Variants in PRIM2 observed in about 807,000 individuals in gnomAD.
The protein encoded by PRIM2 is DNA primase large subunit.
Under a neutral mutation model 67.3 loss-of-function variants are expected in PRIM2, and 39 were observed. The observed-to-expected ratio is 0.58, with a 90% CI of 0.45 to 0.76. PRIM2 has a LOEUF of 0.76. PRIM2 is among the 30% of genes least tolerant of loss of function. The pLI, the probability that PRIM2 is intolerant of heterozygous loss-of-function variation, is 0.00. For missense variants in PRIM2, 398 were observed against 598.7 expected (o/e 0.66, Z 3.50); for synonymous variants, 143 against 198.7 (o/e 0.72, Z 2.36).
chr6:57,447,692 A>G (rs889774317), intron 7 of PRIM2, among the ~76,000 whole-genome samples: 3 of 152,198 alleles, frequency 2.0e-5, no homozygotes, highest in African/African-American at 4.8e-5. Flanking sequence ...TACTGGGAAT[A>G]TGGTATTTGT....
At chr6:57,285,796 A>G in the PRIM2 span, among the ~76,000 whole-genome samples, 1 of 152,182 alleles carries the variant, frequency 6.6e-6, no homozygotes, top group Non-Finnish European at 1.5e-5. Flanking sequence ...AGGTATTCAA[A>G]TAGGAAGAGG....
At chr6:57,599,086 A>G (rs1776417808) in intron 10 of PRIM2, among the ~76,000 whole-genome samples, 1 of 63,390 alleles carries the variant, frequency 1.6e-5, no homozygotes, top group Non-Finnish European at 3.0e-5. Flanking sequence ...AGCTGGGACT[A>G]CAGGCACCCG....
chr6:57,340,226 G>A (rs1768422850), intron 5 of PRIM2, among the ~76,000 whole-genome samples: 1 of 152,182 alleles, frequency 6.6e-6, no homozygotes. Context: ...GAGAGGATGT[G>A]GAGAAATAGG....
At chr6:57,399,495 A>G (rs1481046759) in intron 7 of PRIM2, among the ~76,000 whole-genome samples, 2 of 152,204 alleles carry the variant, frequency 1.3e-5, no homozygotes, top group African/African-American at 4.8e-5. Flanking sequence ...GTGCCGCAGT[A>G]AACACACGTG....
chr6:57,369,908 C>T (rs908062576), intron 5 of PRIM2, among the ~76,000 whole-genome samples: 1 of 152,188 alleles, frequency 6.6e-6, no homozygotes, highest in African/African-American at 2.4e-5. Flanking sequence ...ATGTAAATTA[C>T]AGGTAGTAAC....
chr6:57,455,581 C>CACA (rs1772740038), intron 7 of PRIM2, among the ~76,000 whole-genome samples: 1 of 152,142 alleles, frequency 6.6e-6, no homozygotes, highest in Non-Finnish European at 1.5e-5. Flanking sequence ...GGTTTAAAGT[C>CACA]TGTTTTATCA....
chr6:57,225,824 A>G, the PRIM2 span, among the ~76,000 whole-genome samples: 1 of 152,244 alleles, frequency 6.6e-6, no homozygotes, highest in Non-Finnish European at 1.5e-5. Flanking sequence ...ATATGAATGC[A>G]TATGTGGCCA....
Position 57,603,446 on chromosome 6 carries a change from C to G in PRIM2, c.1147+2227C>G, listed in dbSNP as rs1411918181. Among the ~76,000 whole-genome samples, 7 of 152,020 alleles carry G rather than the reference C, an allele frequency of 4.6e-5. No homozygotes were observed. In the South Asian group the frequency reaches 1.0e-3, roughly 23 times the overall value. On this transcript the variant is annotated intron_variant, in intron 11 of 13. Transcript: ENST00000615550. ...CACATTTATTGAATAGGAGTCCTTTCTCCATTGCCTATATTTATTGACTTT... is the reference window on the plus strand; with the variant it reads ...CACATTTATTGAATAGGAGTCCTTTGTCCATTGCCTATATTTATTGACTTT...
In PRIM2 at chr6:57,464,774, T is replaced by A. The variant is rs1773130976; in HGVS notation, c.694-42613T>A. 3.3e-5 allele frequency among the ~76,000 whole-genome samples: 5 copies of A among 152,202 alleles called. 1 individual carries two copies. In the South Asian group the frequency reaches 8.3e-4, roughly 25 times the overall value. ...TGTGCCAGGCACTATTCTCCTCCTC[T>A]CCATCATCATCATTGTTTCCAAAAT... is the stretch of plus-strand genomic sequence containing the variant. On this transcript the variant is annotated intron_variant, in intron 7 of 13. Coordinates refer to ENST00000615550, the MANE Select transcript of PRIM2 (RefSeq NM_000947.5).
In PRIM2 at chr6:57,318,503, G is replaced by C; in HGVS notation, c.58G>C (p.Ala20Pro). Residue 20 changes from alanine (A) to proline (P), a missense_variant, in exon 2 of 14, where the codon GCT (alanine) becomes CCT (proline). Ala to Pro is a conservative substitution (Grantham distance 27, BLOSUM62 -1). Coordinates refer to ENST00000615550, the MANE Select transcript of PRIM2 (RefSeq NM_000947.5). ...KLRLAGDQRN[A>P]SYPHCLQFYL... ...GAGGTTGGCAGGTGACCAGAGGAAT[G>C]CTTCCTACCCTCATTGCCTTCAGTT... 1 of 1,608,622 alleles carries C rather than the reference G, an allele frequency of 6.2e-7. No homozygotes were observed. The highest frequency in any genetic ancestry group is 8.5e-7 in the Non-Finnish European group (1 of 1,177,310).
At chr6:57,519,343 A>G (rs1387501927) in intron 8 of PRIM2, among the ~76,000 whole-genome samples, 2 of 152,210 alleles carry the variant, frequency 1.3e-5, no homozygotes, top group Non-Finnish European at 2.9e-5. Context: ...TGGGAGCGCT[A>G]TGGGAGACTG....
the PRIM2 span, among the ~76,000 whole-genome samples, chr6:57,267,982 G>C: frequency 6.6e-6 from 1 of 152,072 alleles, no homozygotes; most frequent in Non-Finnish European, 1.5e-5. Flanking sequence ...TTGAGCATAT[G>C]AGAACAGAAA....
At chr6:57,596,228 G>T (rs1776365058) in intron 10 of PRIM2, among the ~76,000 whole-genome samples, 1 of 151,550 alleles carries the variant, frequency 6.6e-6, no homozygotes, top group Admixed American at 6.6e-5. Flanking sequence ...GTGCCCATCA[G>T]CAAGAGCCTA....
At chr6:57,548,158 G>A (rs1279449657) in intron 10 of PRIM2, among the ~76,000 whole-genome samples, 2 of 152,168 alleles carry the variant, frequency 1.3e-5, no homozygotes, top group Non-Finnish European at 2.9e-5. Flanking sequence ...ATAAAGAAGA[G>A]AAATTTATTT....
the PRIM2 span, among the ~76,000 whole-genome samples, chr6:57,301,651 CG>C: frequency 6.6e-6 from 1 of 152,110 alleles, no homozygotes; most frequent in Non-Finnish European, 1.5e-5. Flanking sequence ...AAAATACACA[CG>C]CACACAAAAA....
At chr6:57,273,731 C>T in the PRIM2 span, among the ~76,000 whole-genome samples, 4 of 152,136 alleles carry the variant, frequency 2.6e-5, no homozygotes, top group African/African-American at 7.2e-5. Context: ...AGTTTTTCTG[C>T]TCTGTTTTTT....
At chr6:57,553,888 G>A (rs1775454773) in intron 10 of PRIM2, among the ~76,000 whole-genome samples, 1 of 152,062 alleles carries the variant, frequency 6.6e-6, no homozygotes, top group Non-Finnish European at 1.5e-5. Flanking sequence ...TTACTCTAAG[G>A]AATTAGGGAC....
chr6:57,235,347 C>A, the PRIM2 span, among the ~76,000 whole-genome samples: 1 of 152,086 alleles, frequency 6.6e-6, no homozygotes, highest in African/African-American at 2.4e-5. Context: ...GCCTGTAATT[C>A]CAGCTACTCA....
chr6:57,275,942 A>T, the PRIM2 span, among the ~76,000 whole-genome samples: 1 of 152,220 alleles, frequency 6.6e-6, no homozygotes, highest in Non-Finnish European at 1.5e-5. Flanking sequence ...ATCAGTTGTC[A>T]TATTTTATAC....
Sources: gnomAD v4.1 joint callset for allele counts (sites outside exome capture counted in the v4.1 genomes callset) on GRCh38, gnomAD v4.1.1 for gene constraint, MANE v1.5 for transcripts, NCBI Gene and HGNC (gene_info 2026-07-23, HGNC 2026-07-21) for gene names.